Variants in PHLPP1 observed in about 807,000 individuals in gnomAD.
PHLPP1 encodes PH domain and leucine rich repeat protein phosphatase 1.
A neutral mutation model predicts 117.2 loss-of-function variants in PHLPP1; 42 were observed. The ratio of observed to expected loss-of-function variants is 0.36; its 90% confidence interval spans 0.28 to 0.46. The LOEUF is 0.46. Among genes scored for constraint, PHLPP1 ranks in the 20% least tolerant of loss-of-function variants. The pLI is 1.00. For missense variants in PHLPP1, 2,084 were observed against 2,241.9 expected, an observed-to-expected ratio of 0.93 and a Z score of 1.42; for synonymous variants, 1,042 against 970.7, an observed-to-expected ratio of 1.07 and a Z score of -1.37.
chr18:62,804,990 G>C (rs1461332889), intron 1 of PHLPP1, among the ~76,000 whole-genome samples: 2 of 140,870 alleles, frequency 1.4e-5, no homozygotes, highest in African/African-American at 2.6e-5. Context: ...AATATACACT[G>C]CATAGGTTAT....
chr18:62,890,328 A>T (rs1175633321), intron 4 of PHLPP1, among the ~76,000 whole-genome samples: 1 of 151,932 alleles, frequency 6.6e-6, no homozygotes, highest in Non-Finnish European at 1.5e-5. Flanking sequence ...GTGCAGTGGC[A>T]TGATCTCGGC....
At chr18:62,759,706 A>G (rs367820421) in intron 1 of PHLPP1, among the ~76,000 whole-genome samples, 7 of 152,338 alleles carry the variant, frequency 4.6e-5, no homozygotes, top group Admixed American at 2.0e-4. Flanking sequence ...AATTAGTGAT[A>G]TCTTCAAGTT....
Position 62,979,580 on chromosome 18 carries a change from T to C in PHLPP1, c.*149T>C. ...CATCGCAGCTAATCTGTAGGTTCTC[T>C]TTCTTTGGGTTATTTTTTTAAGTAA... On this transcript the variant is annotated 3_prime_UTR_variant, in exon 17 of 17. Coordinates refer to ENST00000262719, the MANE Select transcript of PHLPP1 (RefSeq NM_194449.4). 2 of 814,602 alleles carry C rather than the reference T, an allele frequency of 2.5e-6. 1 individual carries two copies. Among genetic ancestry groups the C allele is most frequent in the South Asian group, 3.8e-5 (2 of 52,876 alleles). The allele number at this position is 814,602 out of a possible 1,614,324, so 50.5% of individuals were successfully genotyped here.
chr18:62,920,001 C>T lies in PHLPP1; in HGVS notation c.2847C>T (p.His949=). 1 of 1,609,000 alleles carries T rather than the reference C, an allele frequency of 6.2e-7. No homozygotes were observed. Among genetic ancestry groups the T allele is most frequent in the Non-Finnish European group, 8.5e-7 (1 of 1,177,390 alleles). Residue 949 remains histidine, a synonymous_variant, in exon 10 of 17, where the codon CAC becomes CAT. Transcript: ENST00000262719. Reference sequence around the variant, plus strand: ...GTCTCCGGAAACTACTGGCAGGACACAACCAGTTGGCAAGGCTGCCTGAAA... The same window carrying T: ...GTCTCCGGAAACTACTGGCAGGACATAACCAGTTGGCAAGGCTGCCTGAAA... ...NSSLRKLLAG[H]NQLARLPERL... is the part of the protein sequence containing the mutation.
At chr18:62,911,092 A>C (rs201707655) in intron 8 of PHLPP1, among the ~76,000 whole-genome samples, 474 of 15,396 alleles carry the variant, frequency 0.031, 1 homozygote, top group East Asian at 0.05. Context: ...AAAACTGGCT[A>C]GCCATATGTA....
At chr18:62,769,471 A>G (rs1166485064) in intron 1 of PHLPP1, among the ~76,000 whole-genome samples, 1 of 152,224 alleles carries the variant, frequency 6.6e-6, no homozygotes, top group Non-Finnish European at 1.5e-5. Context: ...ACTCTTGTGT[A>G]ATCATGCGAG....
chr18:62,860,721 A>C (rs1244118910), intron 4 of PHLPP1, 120 bp downstream of exon 4: 7 of 771,902 alleles, frequency 9.1e-6, no homozygotes, highest in African/African-American at 3.5e-5. Context: ...CCTTCAGATA[A>C]CAGGGTAATA....
In PHLPP1 at chr18:62,860,469, C is replaced by A; in HGVS notation, c.1934C>A (p.Ser645Ter). The change falls in exon 4 of 17, where the codon TCG becomes TAG. Residue 645 changes from serine to a stop codon, truncating the protein, a stop_gained. Coordinates refer to ENST00000262719, the MANE Select transcript of PHLPP1 (RefSeq NM_194449.4). LOFTEE classifies it high-confidence loss of function. ...CAGCGCATTAGCTCAGTGGACCTCTCGTGTTGTAGCCTGGAACATCTGCCT... is the reference window on the plus strand; with the variant it reads ...CAGCGCATTAGCTCAGTGGACCTCTAGTGTTGTAGCCTGGAACATCTGCCT... ...ASQRISSVDL[S>*]CCSLEHLPAN... is the part of the protein sequence containing the mutation. 1 of 1,613,930 alleles carries A rather than the reference C, an allele frequency of 6.2e-7. No homozygotes were observed. The highest frequency in any genetic ancestry group is 1.1e-5 in the South Asian group (1 of 91,066).
chr18:62,868,578 C>T (rs1220643518), intron 4 of PHLPP1, among the ~76,000 whole-genome samples: 3 of 149,460 alleles, frequency 2.0e-5, no homozygotes, highest in African/African-American at 5.0e-5. Flanking sequence ...GCTGAAATGG[C>T]GCCACTGCAC....
At chr18:62,936,023 A>G (rs1051570043) in intron 10 of PHLPP1, among the ~76,000 whole-genome samples, 3 of 152,176 alleles carry the variant, frequency 2.0e-5, no homozygotes, top group Non-Finnish European at 4.4e-5. Context: ...AAAATTAAAT[A>G]AAAAGACTTT....
At chr18:62,850,901 G>T (rs954242965) in intron 3 of PHLPP1, among the ~76,000 whole-genome samples, 1 of 152,212 alleles carries the variant, frequency 6.6e-6, no homozygotes, top group Non-Finnish European at 1.5e-5. Context: ...TTTGTCAAGG[G>T]AGGGGACTGT....
At position 62,715,843 on chromosome 18, in the gene PHLPP1, G is replaced by C. The variant is rs1295257337; in HGVS notation, c.160G>C (p.Ala54Pro). The change falls in exon 1 of 17, where the codon GCG (alanine) becomes CCG (proline). Residue 54 changes from alanine to proline, a missense_variant. By Grantham distance (27) the Ala-to-Pro change is conservative (BLOSUM62 -1). Transcript: ENST00000262719. Reference protein sequence around the residue: ...AAGGGRSPEPALTPAAPSGGN... With the variant: ...AAGGGRSPEPPLTPAAPSGGN... ...CGGGGGCGGCCGGAGTCCGGAGCCC[G>C]CGCTGACCCCGGCGGCCCCGAGCGG... 2.6e-6 allele frequency: 2 copies of C among 763,680 alleles called. No homozygotes were observed. The highest frequency in any genetic ancestry group is 1.3e-4 in the East Asian group (1 of 7,858). The allele number at this position is 763,680 out of a possible 1,614,324, so 47.3% of individuals were successfully genotyped here.
intron 16 of PHLPP1, among the ~76,000 whole-genome samples, chr18:62,976,895 G>T (rs1007960039): frequency 6.6e-6 from 1 of 152,150 alleles, no homozygotes; most frequent in African/African-American, 2.4e-5. Context: ...ATTTTTTCAG[G>T]CACAGGGCAG....
intron 1 of PHLPP1, among the ~76,000 whole-genome samples, chr18:62,775,619 C>T (rs1031618106): frequency 9.9e-5 from 15 of 152,176 alleles, no homozygotes; most frequent in Non-Finnish European, 1.3e-4. Context: ...CACTTCAGCA[C>T]GTATTCTTCA....
intron 14 of PHLPP1, among the ~76,000 whole-genome samples, chr18:62,972,128 T>C (rs1386586866): frequency 1.3e-5 from 2 of 152,260 alleles, no homozygotes; most frequent in Non-Finnish European, 2.9e-5. Flanking sequence ...CGTCTATTTT[T>C]CCCAGTGTTT....
intron 3 of PHLPP1, among the ~76,000 whole-genome samples, chr18:62,859,319 A>G (rs1328091499): frequency 6.6e-6 from 1 of 152,184 alleles, no homozygotes; most frequent in East Asian, 1.9e-4. Context: ...GCATTTGAGA[A>G]ATACAGGGTG....
At chr18:62,975,684 A>G (rs1284746805) in intron 16 of PHLPP1, 59 bp downstream of exon 16, 2 of 1,152,734 alleles carry the variant, frequency 1.7e-6, no homozygotes, top group Non-Finnish European at 2.6e-6. Context: ...AGACCAGGTC[A>G]TAGCAGAAAC....
intron 1 of PHLPP1, among the ~76,000 whole-genome samples, chr18:62,799,886 G>A (rs1016934611): frequency 2.0e-5 from 3 of 152,178 alleles, no homozygotes; most frequent in African/African-American, 7.2e-5. Flanking sequence ...GATCTCAACA[G>A]GAAATAGCAC....
intron 14 of PHLPP1, among the ~76,000 whole-genome samples, chr18:62,971,195 G>A (rs888090957): frequency 5.9e-5 from 9 of 152,036 alleles, no homozygotes; most frequent in Admixed American, 5.9e-4. Context: ...CTTCATGTTT[G>A]TCTTGCTTGC....
Sources: gnomAD v4.1 joint callset for allele counts (sites outside exome capture counted in the v4.1 genomes callset) on GRCh38, gnomAD v4.1.1 for gene constraint, MANE v1.5 for transcripts, NCBI Gene and HGNC (gene_info 2026-07-23, HGNC 2026-07-21) for gene names.